The following DLGAP2 variants were observed in gnomAD, a reference collection of about 807,000 sequenced individuals.
The protein encoded by DLGAP2 is disks large-associated protein 2.
Under a neutral mutation model 100.3 loss-of-function variants are expected in DLGAP2, and 26 were observed. The observed-to-expected ratio is 0.26, with a 90% confidence interval of 0.19 to 0.36. The LOEUF (loss-of-function observed/expected upper bound fraction) is 0.36. Among genes scored for constraint, DLGAP2 ranks in the 10% least tolerant of loss-of-function variants. The probability of loss-of-function intolerance (pLI) is 1.00; values close to 1 mark genes in which losing one functional copy is unlikely to be tolerated. For synonymous variants in DLGAP2, 886 were observed against 630.1 expected, an observed-to-expected ratio of 1.41 and a Z score of -6.08; for missense variants, 1,858 against 1,453.2, an observed-to-expected ratio of 1.28 and a Z score of -4.53.
At chr8:1,409,119 A>G (rs1174132676) in intron 3 of DLGAP2, among the ~76,000 whole-genome samples, 1 of 88,878 alleles carries the variant, frequency 1.1e-5, no homozygotes. Flanking sequence ...TTCCTTGCTC[A>G]CCATAGCAGG....
chr8:1,410,988 G>A (rs1255279899), intron 3 of DLGAP2, among the ~76,000 whole-genome samples: 1 of 152,076 alleles, frequency 6.6e-6, no homozygotes, highest in Non-Finnish European at 1.5e-5. Context: ...ACGTTACTTT[G>A]ACTTGCCAGC....
intron 1 of DLGAP2, among the ~76,000 whole-genome samples, chr8:836,313 C>A (rs1448379430): frequency 2.0e-5 from 3 of 152,170 alleles, no homozygotes; most frequent in Non-Finnish European, 4.4e-5. Context: ...GTGCAGCCAT[C>A]GGGTGAGAAG....
chr8:829,448 T>C (rs906181840), intron 1 of DLGAP2, among the ~76,000 whole-genome samples: 6 of 152,204 alleles, frequency 3.9e-5, no homozygotes, highest in African/African-American at 1.4e-4. Flanking sequence ...TGAATACCCA[T>C]CGTGTTTATT....
chr8:972,361 T>C (rs970587005), intron 2 of DLGAP2, among the ~76,000 whole-genome samples: 2 of 152,110 alleles, frequency 1.3e-5, no homozygotes, highest in Non-Finnish European at 1.5e-5. Flanking sequence ...TATCAACAGA[T>C]AGTGCTAAGG....
chr8:1,663,846 G>T (rs923613589), intron 8 of DLGAP2, among the ~76,000 whole-genome samples: 6 of 152,146 alleles, frequency 3.9e-5, no homozygotes, highest in African/African-American at 1.4e-4. Flanking sequence ...ACGGCAGAAT[G>T]GTCATTTGCT....
rs541104499 is a variant in DLGAP2 at position 905,551 on chromosome 8, G to A, written c.19-2361G>A. On this transcript the variant is annotated intron_variant, in intron 1 of 14. Transcript: ENST00000637795. ...GTGAGGTCTGATTGCCTGAGTCCAGGGATGAGGTCTGAGGTTTGCAGTTCT... is the reference window on the plus strand; with the variant it reads ...GTGAGGTCTGATTGCCTGAGTCCAGAGATGAGGTCTGAGGTTTGCAGTTCT... Among the ~76,000 whole-genome samples, 12 of 152,264 alleles carry A rather than the reference G, an allele frequency of 7.9e-5. 1 individual carries two copies. The South Asian group carries it at 2.5e-3, about 32-fold the overall frequency.
intron 3 of DLGAP2, among the ~76,000 whole-genome samples, chr8:1,357,051 C>T (rs185263740): frequency 5.3e-5 from 8 of 150,794 alleles, no homozygotes; most frequent in South Asian, 2.1e-4. Context: ...TCCCTGTTAA[C>T]GTCTGTTCTG....
chr8:1,260,834 G>A (rs1799332343), intron 3 of DLGAP2, among the ~76,000 whole-genome samples: 1 of 152,214 alleles, frequency 6.6e-6, no homozygotes, highest in South Asian at 2.1e-4. Flanking sequence ...CAGAGCATGG[G>A]GAGGTGATCT....
At chr8:1,619,920 A>T (rs2130753645) in intron 6 of DLGAP2, 1 of 152,326 alleles carries the variant, frequency 6.6e-6, no homozygotes, top group Admixed American at 6.5e-5. Flanking sequence ...ACGGCCAAGC[A>T]CACTGTTGGC....
rs75906294 is a variant in DLGAP2, at chr8:1,535,017, C to G, written c.173-13609C>G. On this transcript the variant is annotated intron_variant, in intron 4 of 14. Transcript: ENST00000637795. ...GAGCGCACTGTTTTCGTGTCCCAAG[C>G]GTTCATTTCATTAAGCTCTTTCTGG... is the stretch of plus-strand genomic sequence containing the variant. Among the ~76,000 whole-genome samples, 560 of 152,332 alleles carry G rather than the reference C, an allele frequency of 3.7e-3. 2 individuals are homozygous for G. The highest frequency in any genetic ancestry group is 0.013 in the African/African-American group (525 of 41,580).
chr8:1,195,057 G>A (rs923096633), intron 2 of DLGAP2, among the ~76,000 whole-genome samples: 4 of 152,242 alleles, frequency 2.6e-5, no homozygotes, highest in East Asian at 3.9e-4. Flanking sequence ...AGAGGCGTCC[G>A]CCCCAGCATG....
chr8:884,075 A>G (rs1197765093), intron 1 of DLGAP2, among the ~76,000 whole-genome samples: 1 of 152,130 alleles, frequency 6.6e-6, no homozygotes, highest in Non-Finnish European at 1.5e-5. Flanking sequence ...TCTCTTTGCT[A>G]TTGTGAATAG....
Position 1,702,580 on chromosome 8 carries a change from A to T in DLGAP2, c.*1174A>T, listed in dbSNP as rs999197625. On this transcript the variant is annotated 3_prime_UTR_variant, in exon 15 of 15. Transcript: ENST00000637795. Reference sequence around the variant, plus strand: ...CCTTGCCTGTGTTAGACATGAAGGGAAAAAGAGGTCACATATTGTGATTTC... The same window carrying T: ...CCTTGCCTGTGTTAGACATGAAGGGTAAAAGAGGTCACATATTGTGATTTC... The T allele has an allele frequency of 6.6e-6, 1 of 152,586 alleles. No individual in the cohort carries two copies. Among genetic ancestry groups the T allele is most frequent in the Non-Finnish European group, 1.5e-5 (1 of 68,038 alleles). The allele number at this position is 152,586 out of a possible 1,614,324, so 9.5% of individuals were successfully genotyped here.
chr8:1,090,340 T>C (rs1295575435), intron 2 of DLGAP2, among the ~76,000 whole-genome samples: 2 of 132,630 alleles, frequency 1.5e-5, no homozygotes, highest in Non-Finnish European at 3.5e-5. Context: ...ATGTCTGCCC[T>C]CTGGGGCCCT....
chr8:1,436,102 G>C (rs1797615770), intron 3 of DLGAP2, among the ~76,000 whole-genome samples: 1 of 152,120 alleles, frequency 6.6e-6, no homozygotes, highest in Admixed American at 6.5e-5. Context: ...TATATGAAAG[G>C]GAGTTTATTG....
chr8:1,512,416 A>G (rs1800197504), intron 4 of DLGAP2, among the ~76,000 whole-genome samples: 1 of 152,062 alleles, frequency 6.6e-6, no homozygotes, highest in African/African-American at 2.4e-5. Flanking sequence ...CGGCATAGGG[A>G]CGGGGCCAGC....
chr8:1,061,333 C>T (rs1585023942), intron 2 of DLGAP2, among the ~76,000 whole-genome samples: 1 of 152,274 alleles, frequency 6.6e-6, no homozygotes, highest in East Asian at 1.9e-4. Context: ...TGGTTTCTAC[C>T]ATCAGCTTTC....
At chr8:1,638,544 T>G (rs1797822910) in intron 8 of DLGAP2, among the ~76,000 whole-genome samples, 1 of 152,128 alleles carries the variant, frequency 6.6e-6, no homozygotes, top group Non-Finnish European at 1.5e-5. Context: ...CCGGCCGTAC[T>G]GCAGAAGAGC....
chr8:881,232 T>G (rs1022064890), intron 1 of DLGAP2, among the ~76,000 whole-genome samples: 1 of 152,214 alleles, frequency 6.6e-6, no homozygotes, highest in Admixed American at 6.5e-5. Flanking sequence ...CGATCTTCAT[T>G]TGAGCTATAA....
Sources: gnomAD v4.1 joint callset for allele counts (sites outside exome capture counted in the v4.1 genomes callset) on GRCh38, gnomAD v4.1.1 for gene constraint, MANE v1.5 for transcripts, NCBI Gene and HGNC (gene_info 2026-07-23, HGNC 2026-07-21) for gene names.